Variants in ANO3 observed in about 807,000 individuals in gnomAD.
The protein encoded by ANO3 is anoctamin 3.
Under a neutral mutation model 144.8 loss-of-function variants are expected in ANO3, and 99 were observed. That is an observed-to-expected ratio of 0.68 (90% CI 0.58 to 0.81). The LOEUF (loss-of-function observed/expected upper bound fraction) is 0.81. Ranked by LOEUF, ANO3 falls within the 30% of genes least tolerant of loss-of-function variation. The pLI is 0.00. For missense variants in ANO3, 905 were observed against 1,202.2 expected, an observed-to-expected ratio of 0.75 and a Z score of 3.66; for synonymous variants, 414 against 392.6, an observed-to-expected ratio of 1.05 and a Z score of -0.64.
intron 17 of ANO3, among the ~76,000 whole-genome samples, chr11:26,600,059 A>G (rs777536460): frequency 4.6e-5 from 7 of 152,146 alleles, no homozygotes; most frequent in African/African-American, 1.2e-4. Flanking sequence ...AATCATCCCA[A>G]TAAACTCCAT....
intron 1 of ANO3, among the ~76,000 whole-genome samples, chr11:26,426,501 G>GCA (rs1857925144): frequency 6.6e-6 from 1 of 151,424 alleles, no homozygotes; most frequent in African/African-American, 2.4e-5. Flanking sequence ...GAAAAAAAAA[G>GCA]CACATATATG....
intron 17 of ANO3, among the ~76,000 whole-genome samples, chr11:26,624,196 C>T (rs1430973052): frequency 6.6e-6 from 1 of 152,134 alleles, no homozygotes; most frequent in East Asian, 1.9e-4. Flanking sequence ...AAGATAGCTA[C>T]CAGAAAAGAC....
At chr11:26,590,369 C>G (rs888025057) in intron 14 of ANO3, among the ~76,000 whole-genome samples, 1 of 152,110 alleles carries the variant, frequency 6.6e-6, no homozygotes, top group African/African-American at 2.4e-5. Flanking sequence ...AAAATTGAGG[C>G]CTAAGGAGTG....
intron 1 of ANO3, among the ~76,000 whole-genome samples, chr11:26,198,199 A>G (rs568247330): frequency 6.6e-6 from 1 of 152,320 alleles, no homozygotes; most frequent in East Asian, 1.9e-4. Flanking sequence ...GAGTCACACA[A>G]TGAATTAATT....
chr11:26,578,697 A>T (rs1013504456), intron 14 of ANO3, among the ~76,000 whole-genome samples: 1 of 152,210 alleles, frequency 6.6e-6, no homozygotes, highest in African/African-American at 2.4e-5. Flanking sequence ...CCACTTGTGC[A>T]TGTTCACAGG....
intron 1 of ANO3, among the ~76,000 whole-genome samples, chr11:26,426,711 CAT>C (rs1857931182): frequency 6.6e-6 from 1 of 152,138 alleles, no homozygotes; most frequent in Non-Finnish European, 1.5e-5. Flanking sequence ...TGCCACCACA[CAT>C]GTAGTAATAG....
chr11:26,649,758 A>G (rs1405549531), intron 24 of ANO3, among the ~76,000 whole-genome samples: 4 of 151,948 alleles, frequency 2.6e-5, no homozygotes, highest in Non-Finnish European at 5.9e-5. Flanking sequence ...ATATATTCAT[A>G]GCCCTTATGA....
intron 1 of ANO3, among the ~76,000 whole-genome samples, chr11:26,213,187 G>T (rs2133784772): frequency 6.6e-6 from 1 of 152,194 alleles, no homozygotes; most frequent in South Asian, 2.1e-4. Flanking sequence ...TACTAAATGG[G>T]CACAAGCTGG....
rs1453904207 is a variant in ANO3 at position 26,662,731 on chromosome 11, A to G, written c.*2287A>G. ...TTTTGAAACAGATGTGAAAAACAGA[A>G]AAAGAAAAAATTGTCTGAAATGTTT... On this transcript the variant is annotated 3_prime_UTR_variant, in exon 27 of 27. Transcript: ENST00000256737. The G allele has an allele frequency of 6.6e-6, 1 of 152,124 alleles. No individual in the cohort carries two copies. The highest frequency in any genetic ancestry group is 1.5e-5 in the Non-Finnish European group (1 of 67,986). 9.4% of individuals were successfully genotyped at this position (152,124 alleles called of 1,614,324 possible). A position where few individuals can be genotyped will look rare whatever the true frequency, so the allele number is the denominator to read the frequency against.
At position 26,605,444 on chromosome 11, in the gene ANO3, A is replaced by T. The variant is rs1412530360; in HGVS notation, c.1836+5730A>T. 3.3e-5 allele frequency among the ~76,000 whole-genome samples: 5 copies of T among 152,208 alleles called. No homozygotes were observed. The East Asian group carries it at 9.6e-4, about 29-fold the overall frequency. Reference sequence around the variant, plus strand: ...ATCAGGATGATTCTGGCCTCATAAAATGAAATAGAGAGGAGTCCCTCTTTT... The same window carrying T: ...ATCAGGATGATTCTGGCCTCATAAATTGAAATAGAGAGGAGTCCCTCTTTT... On this transcript the variant is annotated intron_variant, in intron 17 of 26. Transcript: ENST00000256737.
intron 17 of ANO3, among the ~76,000 whole-genome samples, chr11:26,612,485 T>C: frequency 6.6e-6 from 1 of 150,824 alleles, no homozygotes; most frequent in East Asian, 1.9e-4. Context: ...TTGTTGTTTT[T>C]TATTATTTGA....
chr11:26,606,107 G>T (rs1851928460), intron 17 of ANO3, among the ~76,000 whole-genome samples: 1 of 152,098 alleles, frequency 6.6e-6, no homozygotes, highest in South Asian at 2.1e-4. Context: ...TACTGCTTTA[G>T]CTGTGTCCCA....
intron 3 of ANO3, among the ~76,000 whole-genome samples, 200 bp downstream of exon 3, chr11:26,444,036 G>A (rs550458741): frequency 6.6e-6 from 1 of 152,148 alleles, no homozygotes; most frequent in Admixed American, 6.5e-5. Context: ...GATTTATGAT[G>A]AGCAACAGTC....
intron 1 of ANO3, among the ~76,000 whole-genome samples, chr11:26,227,335 A>G (rs775581344): frequency 3.9e-5 from 6 of 152,210 alleles, no homozygotes; most frequent in Non-Finnish European, 5.9e-5. Context: ...GATGATTTGC[A>G]TCAGACATCT....
intron 1 of ANO3, among the ~76,000 whole-genome samples, chr11:26,271,532 G>GT (rs1386750005): frequency 1.3e-5 from 2 of 152,036 alleles, no homozygotes; most frequent in African/African-American, 4.8e-5. Context: ...TGATGCTTTA[G>GT]TATTTGTATT....
chr11:26,470,351 A>G (rs1383085824), intron 4 of ANO3, among the ~76,000 whole-genome samples: 2 of 151,316 alleles, frequency 1.3e-5, no homozygotes, highest in Non-Finnish European at 3.0e-5. Context: ...GGTGGAGGCT[A>G]CAGTGAGCCA....
intron 1 of ANO3, among the ~76,000 whole-genome samples, chr11:26,204,917 C>T (rs1256310812): frequency 1.3e-5 from 2 of 152,042 alleles, no homozygotes; most frequent in Non-Finnish European, 2.9e-5. Context: ...GAGAAATACT[C>T]GAGACTGGGT....
intron 1 of ANO3, among the ~76,000 whole-genome samples, chr11:26,255,050 A>G (rs1031660439): frequency 3.9e-5 from 6 of 152,140 alleles, no homozygotes; most frequent in African/African-American, 1.2e-4. Context: ...TCTGTAACCC[A>G]TATGTTCAGC....
At chr11:26,360,213 T>G (rs1322249770) in intron 1 of ANO3, among the ~76,000 whole-genome samples, 5 of 130,748 alleles carry the variant, frequency 3.8e-5, no homozygotes, top group Admixed American at 8.4e-5. Context: ...CTGCATTGCT[T>G]TTGTTGCCTC....
Sources: gnomAD v4.1 joint callset for allele counts (sites outside exome capture counted in the v4.1 genomes callset) on GRCh38, gnomAD v4.1.1 for gene constraint, MANE v1.5 for transcripts, NCBI Gene and HGNC (gene_info 2026-07-23, HGNC 2026-07-21) for gene names.